Variants in CAMK1D observed in about 807,000 individuals in gnomAD.
CAMK1D encodes calcium/calmodulin dependent protein kinase ID, also known as calcium/calmodulin-dependent protein kinase type 1D.
CAMK1D carries 9 observed loss-of-function variants against 47.7 expected under a neutral mutation model. That is an observed-to-expected ratio of 0.19 (90% CI 0.11 to 0.33). The LOEUF is 0.33. Ranked by LOEUF, CAMK1D falls within the 10% of genes least tolerant of loss-of-function variation. CAMK1D has a pLI of 1.00. For missense variants in CAMK1D, 291 were observed against 488.7 expected (o/e 0.60, Z 3.81); for synonymous variants, 184 against 184.9 (o/e 0.99, Z 0.04).
At chr10:12,824,400 T>G in intron 8 of CAMK1D, 65 bp from the exon 9 acceptor site, 1 of 1,416,896 alleles carries the variant, frequency 7.1e-7, no homozygotes, top group Non-Finnish European at 1.0e-6. Context: ...AGACTCCCCT[T>G]TATGGGACGC....
At chr10:12,565,183 C>T (rs1447896243) in intron 2 of CAMK1D, among the ~76,000 whole-genome samples, 4 of 152,158 alleles carry the variant, frequency 2.6e-5, no homozygotes, top group African/African-American at 4.8e-5. Context: ...TGCACTTCAG[C>T]CTGGGTGACA....
Position 12,512,623 on chromosome 10 carries a change from G to A in CAMK1D, c.93-40602G>A, listed in dbSNP as rs74897973. On this transcript the variant is annotated intron_variant, in intron 1 of 10. Coordinates refer to ENST00000619168, the MANE Select transcript of CAMK1D (RefSeq NM_153498.4). ...CTTTGGCTTCCAGGAATTAGACTCC[G>A]TAGTGGCTACTGGGGCATCGTTTTC... Among the ~76,000 whole-genome samples, 890 of 152,254 alleles carry A rather than the reference G, an allele frequency of 5.8e-3. 12 individuals carry two copies. The highest frequency in any genetic ancestry group is 0.02 in the African/African-American group (840 of 41,538).
chr10:12,663,797 G>C (rs1055612068), intron 2 of CAMK1D, among the ~76,000 whole-genome samples: 2 of 152,110 alleles, frequency 1.3e-5, no homozygotes, highest in Non-Finnish European at 2.9e-5. Context: ...ATGGATAGTC[G>C]TATGGCATTT....
intron 3 of CAMK1D, among the ~76,000 whole-genome samples, chr10:12,671,654 T>A (rs116792783): frequency 1.2e-4 from 18 of 151,786 alleles, no homozygotes; most frequent in African/African-American, 4.3e-4. Context: ...CACACACACA[T>A]ATATATATTA....
At chr10:12,497,684 C>T (rs1834583109) in intron 1 of CAMK1D, among the ~76,000 whole-genome samples, 1 of 152,022 alleles carries the variant, frequency 6.6e-6, no homozygotes, top group Admixed American at 6.6e-5. Context: ...TCCAATTTTA[C>T]AAAAGCCTGA....
At chr10:12,735,384 A>G (rs966102034) in intron 3 of CAMK1D, among the ~76,000 whole-genome samples, 1 of 152,172 alleles carries the variant, frequency 6.6e-6, no homozygotes, top group Non-Finnish European at 1.5e-5. Flanking sequence ...AGGCTGAGGC[A>G]GGAGAATGGC....
chr10:12,516,585 G>T (rs868453333), intron 1 of CAMK1D, among the ~76,000 whole-genome samples: 4 of 152,162 alleles, frequency 2.6e-5, no homozygotes, highest in African/African-American at 9.7e-5. Flanking sequence ...AAGCATCTAT[G>T]CCATTTTGTA....
At chr10:12,635,188 G>T (rs1839479697) in intron 2 of CAMK1D, among the ~76,000 whole-genome samples, 1 of 152,130 alleles carries the variant, frequency 6.6e-6, no homozygotes, top group Admixed American at 6.5e-5. Flanking sequence ...AGGCCTTCCT[G>T]TGGGTGGCAT....
chr10:12,768,216 A>G (rs1836868670), intron 4 of CAMK1D, among the ~76,000 whole-genome samples: 1 of 152,194 alleles, frequency 6.6e-6, no homozygotes, highest in Non-Finnish European at 1.5e-5. Flanking sequence ...GAATTTCCTT[A>G]CTGGCGAATC....
Position 12,693,598 on chromosome 10 carries a change from C to T in CAMK1D, c.299+26788C>T, listed in dbSNP as rs553818604. ...AGTGAGCTATAATTGTACCACTGCACTCCAAGCAGTGACAAGGGGTGAGAC... is the reference window on the plus strand; with the variant it reads ...AGTGAGCTATAATTGTACCACTGCATTCCAAGCAGTGACAAGGGGTGAGAC... On this transcript the variant is annotated intron_variant, in intron 3 of 10. Coordinates refer to ENST00000619168, the MANE Select transcript of CAMK1D (RefSeq NM_153498.4). 2.4e-4 allele frequency among the ~76,000 whole-genome samples: 37 copies of T among 151,880 alleles called. No homozygotes were observed. In the East Asian group the frequency reaches 5.6e-3, roughly 23 times the overall value.
At chr10:12,415,814 CT>C (rs1457268191) in intron 1 of CAMK1D, 1 of 71,036 alleles carries the variant, frequency 1.4e-5, no homozygotes, top group Non-Finnish European at 2.9e-5. Flanking sequence ...TTTTTTTTTT[CT>C]TTTTTTCTGA....
chr10:12,536,678 C>G (rs1564397940), intron 1 of CAMK1D, among the ~76,000 whole-genome samples: 1 of 152,136 alleles, frequency 6.6e-6, no homozygotes, highest in East Asian at 1.9e-4. Flanking sequence ...CTTTCACTAC[C>G]TATGTATGTA....
intron 6 of CAMK1D, among the ~76,000 whole-genome samples, chr10:12,801,354 T>TATCATCTATCTTATCTATCTATC (rs57429397): frequency 1.5e-5 from 1 of 66,490 alleles, no homozygotes; most frequent in Admixed American, 1.7e-4. Flanking sequence ...TCTATCTATC[T>TATCATCTATCTTATCTATCTATC]TATCTATCTA....
chr10:12,686,813 T>C (rs974082806), intron 3 of CAMK1D, among the ~76,000 whole-genome samples: 2 of 152,162 alleles, frequency 1.3e-5, no homozygotes, highest in Non-Finnish European at 2.9e-5. Flanking sequence ...TTTTACCATA[T>C]TAAAAAAGAT....
chr10:12,413,454 C>A (rs187683557), intron 1 of CAMK1D, among the ~76,000 whole-genome samples: 54 of 40,366 alleles, frequency 1.3e-3, no homozygotes, highest in African/African-American at 4.9e-3. Context: ...GAAGTCAGGC[C>A]CTGTTCTCTT....
chr10:12,799,805 G>A (rs1270127331), intron 6 of CAMK1D, among the ~76,000 whole-genome samples: 1 of 152,134 alleles, frequency 6.6e-6, no homozygotes, highest in East Asian at 1.9e-4. Flanking sequence ...TCTGGCTAAT[G>A]CAGGAATCAA....
At chr10:12,437,651 C>G (rs375192197) in intron 1 of CAMK1D, among the ~76,000 whole-genome samples, 81 of 152,266 alleles carry the variant, frequency 5.3e-4, no homozygotes, top group African/African-American at 1.9e-3. Flanking sequence ...CTGATGAACC[C>G]ACAATGACAC....
chr10:12,691,365 A>T (rs181743993), intron 3 of CAMK1D, among the ~76,000 whole-genome samples: 11 of 24,822 alleles, frequency 4.4e-4, no homozygotes, highest in East Asian at 1.3e-3. Context: ...ATATATATAT[A>T]TATATATATA....
intron 2 of CAMK1D, among the ~76,000 whole-genome samples, chr10:12,617,284 AG>A (rs1838853600): frequency 6.6e-6 from 1 of 152,218 alleles, no homozygotes; most frequent in Non-Finnish European, 1.5e-5. Flanking sequence ...CAACAAGAAA[AG>A]TAATGTGTAT....
Sources: allele counts gnomAD v4.1 joint callset (sites outside exome capture counted in the v4.1 genomes callset), GRCh38; gene constraint gnomAD v4.1.1; transcripts MANE v1.5; gene names NCBI Gene and HGNC (gene_info 2026-07-23, HGNC 2026-07-21).